Variants in ZDHHC14 observed in about 807,000 individuals in gnomAD.
ZDHHC14 encodes the protein zDHHC palmitoyltransferase 14, also known as palmitoyltransferase ZDHHC14.
Under a neutral mutation model 47.7 loss-of-function variants are expected in ZDHHC14, and 16 were observed. The observed-to-expected ratio is 0.34, with a 90% CI of 0.23 to 0.51. The LOEUF is 0.51. Ranked by LOEUF, ZDHHC14 falls within the 20% of genes least tolerant of loss-of-function variation. The pLI is 0.97. For synonymous variants in ZDHHC14, 293 were observed against 278.9 expected (o/e 1.05, Z -0.50); for missense variants, 515 against 662.5 (o/e 0.78, Z 2.44).
intron 1 of ZDHHC14, among the ~76,000 whole-genome samples, chr6:157,483,719 C>A (rs9355262): frequency 6.6e-6 from 1 of 151,906 alleles, no homozygotes; most frequent in Non-Finnish European, 1.5e-5. Flanking sequence ...CCTTTGCATC[C>A]GTGGACCTTC....
rs1290527135 is a variant in ZDHHC14, at chr6:157,382,278, C to T, written c.245+12C>T. ...TTCTTCGCCTTCGAGTAAGTGGTGG[C>T]GACCGCTCCCCCGACGCCGCACTCC... is the stretch of plus-strand genomic sequence containing the variant. On this transcript the variant is annotated intron_variant, in intron 1 of 8. Transcript: ENST00000359775. The T allele has an allele frequency of 1.9e-6, 3 of 1,609,712 alleles. No individual in the cohort carries two copies. The highest frequency in any genetic ancestry group is 2.5e-6 in the Non-Finnish European group (3 of 1,178,276).
chr6:157,673,584 C>T lies in ZDHHC14; in HGVS notation c.*462C>T, dbSNP rs1778905066. On this transcript the variant is annotated 3_prime_UTR_variant, in exon 9 of 9. Transcript: ENST00000359775. This position sits in a 1 kb window ranked among gnomAD's most constrained non-coding sequence, Gnocchi z 5.4. Reference sequence around the variant, plus strand: ...ACCGACCAGGTGTGGATCTGCATGCCACGCTGCCGTCTGTGTTACAGTGGT... The same window carrying T: ...ACCGACCAGGTGTGGATCTGCATGCTACGCTGCCGTCTGTGTTACAGTGGT... 1 of 160,792 alleles carries T rather than the reference C, an allele frequency of 6.2e-6. No individual in the cohort carries two copies. The highest frequency in any genetic ancestry group is 2.4e-5 in the African/African-American group (1 of 41,226). The allele number at this position is 160,792 out of a possible 1,614,324, so 10.0% of individuals were successfully genotyped here.
intron 1 of ZDHHC14, among the ~76,000 whole-genome samples, chr6:157,415,257 A>G (rs1777950485): frequency 6.6e-6 from 1 of 152,224 alleles, no homozygotes; most frequent in Non-Finnish European, 1.5e-5. Context: ...TATTGTAACT[A>G]ATATTGTCAT....
intron 1 of ZDHHC14, among the ~76,000 whole-genome samples, chr6:157,417,986 G>A (rs868574744): frequency 6.6e-6 from 1 of 151,966 alleles, no homozygotes. Flanking sequence ...AGAAGCCCAG[G>A]GTCAGGCCGA....
At chr6:157,422,692 G>A (rs1282552885) in intron 1 of ZDHHC14, among the ~76,000 whole-genome samples, 1 of 152,218 alleles carries the variant, frequency 6.6e-6, no homozygotes, top group Non-Finnish European at 1.5e-5. Context: ...TGATCAGGAC[G>A]GGCACGGTAA....
intron 1 of ZDHHC14, among the ~76,000 whole-genome samples, chr6:157,501,791 T>C (rs1458573081): frequency 1.3e-5 from 2 of 152,214 alleles, no homozygotes; most frequent in Non-Finnish European, 2.9e-5. Flanking sequence ...TTTGGTAAGA[T>C]TGTTGTTCTC....
At chr6:157,404,761 T>A (rs1007076933) in intron 1 of ZDHHC14, among the ~76,000 whole-genome samples, 6 of 152,236 alleles carry the variant, frequency 3.9e-5, no homozygotes, top group Admixed American at 6.5e-5. Flanking sequence ...ATATATTTTT[T>A]AATTTTGGAA....
At chr6:157,572,864 A>G (rs1168342820) in intron 2 of ZDHHC14, among the ~76,000 whole-genome samples, 2 of 146,870 alleles carry the variant, frequency 1.4e-5, no homozygotes, top group Non-Finnish European at 3.1e-5. Context: ...AGTAGACAGA[A>G]AAAGGTTTTC....
chr6:157,660,267 A>G (rs1347900175), intron 8 of ZDHHC14, among the ~76,000 whole-genome samples: 2 of 147,928 alleles, frequency 1.4e-5, no homozygotes, highest in Non-Finnish European at 3.0e-5. Context: ...GTCTCGGCTC[A>G]CTGCAACCTC....
intron 1 of ZDHHC14, among the ~76,000 whole-genome samples, chr6:157,420,723 A>G (rs187764217): frequency 2.6e-5 from 4 of 152,384 alleles, no homozygotes; most frequent in Admixed American, 6.5e-5. Context: ...ACTTGGTCAC[A>G]TTTCAGCCTA....
chr6:157,391,822 G>A (rs1420364471), intron 1 of ZDHHC14, among the ~76,000 whole-genome samples: 1 of 152,166 alleles, frequency 6.6e-6, no homozygotes, highest in Admixed American at 6.5e-5. Context: ...CATTGTTAGA[G>A]TGGGAGTGAT....
intron 1 of ZDHHC14, among the ~76,000 whole-genome samples, chr6:157,413,207 G>T (rs150791741): frequency 3.3e-5 from 5 of 152,330 alleles, no homozygotes; most frequent in African/African-American, 1.2e-4. Context: ...CCTGCAGGGG[G>T]TCGAGGGGTG....
intron 3 of ZDHHC14, among the ~76,000 whole-genome samples, chr6:157,601,710 T>G (rs969889778): frequency 3.9e-5 from 6 of 152,246 alleles, no homozygotes; most frequent in Non-Finnish European, 7.3e-5. Context: ...TTTGATATTA[T>G]GAGGTCCTGT....
At chr6:157,402,507 C>T (rs1777665466) in intron 1 of ZDHHC14, among the ~76,000 whole-genome samples, 1 of 152,210 alleles carries the variant, frequency 6.6e-6, no homozygotes, top group Admixed American at 6.5e-5. Context: ...GATTGCTAGT[C>T]TGGGGCTTCC....
rs938290458 is a variant in ZDHHC14 at position 157,573,324 on chromosome 6, G to T, written c.407-19664G>T. ...CCCAGAGCTGGAAAGCATCCACGCC[G>T]GTTCCATCTCATTCCATGGGACCAG... is the stretch of plus-strand genomic sequence containing the variant. On this transcript the variant is annotated intron_variant, in intron 2 of 8. Transcript: ENST00000359775. 9.9e-5 allele frequency among the ~76,000 whole-genome samples: 15 copies of T among 152,208 alleles called. 1 individual carries two copies. In the South Asian group the frequency reaches 3.1e-3, roughly 32 times the overall value.
intron 1 of ZDHHC14, among the ~76,000 whole-genome samples, chr6:157,441,923 G>A (rs974902559): frequency 2.0e-5 from 3 of 152,152 alleles, no homozygotes; most frequent in Non-Finnish European, 4.4e-5. Flanking sequence ...TTTCTGTTTC[G>A]TGGAAACAAT....
At chr6:157,548,750 G>A (rs1188429502) in intron 2 of ZDHHC14, among the ~76,000 whole-genome samples, 2 of 152,166 alleles carry the variant, frequency 1.3e-5, no homozygotes, top group Non-Finnish European at 2.9e-5. Flanking sequence ...CCAGCCTCTG[G>A]CCTGTTCTTG....
intron 1 of ZDHHC14, among the ~76,000 whole-genome samples, chr6:157,474,211 G>A (rs930994982): frequency 5.3e-5 from 8 of 152,062 alleles, no homozygotes; most frequent in Non-Finnish European, 8.8e-5. Flanking sequence ...GGCTGGTCTC[G>A]AATGCCTGAC....
In ZDHHC14 at chr6:157,675,497, A is replaced by G. The variant is rs1259302527; in HGVS notation, c.*2375A>G. ...AATTTTGGTGAAGTGAATCAAGGCT[A>G]TTCAGGGTCAAGAGAGAGATTAACT... is the stretch of plus-strand genomic sequence containing the variant. On this transcript the variant is annotated 3_prime_UTR_variant, in exon 9 of 9. Coordinates refer to ENST00000359775, the MANE Select transcript of ZDHHC14 (RefSeq NM_024630.3). The G allele has an allele frequency of 6.6e-6, 1 of 152,258 alleles. No homozygotes were observed. Among genetic ancestry groups the G allele is most frequent in the African/African-American group, 2.4e-5 (1 of 41,468 alleles). The allele number at this position is 152,258 out of a possible 1,614,324, so 9.4% of individuals were successfully genotyped here. A position where few individuals can be genotyped will look rare whatever the true frequency, so the allele number is the denominator to read the frequency against.
Sources: gnomAD v4.1 joint callset for allele counts (sites outside exome capture counted in the v4.1 genomes callset) on GRCh38, gnomAD v4.1.1 for gene constraint, Gnocchi (gnomAD v3.1) non-coding constraint, MANE v1.5 for transcripts, NCBI Gene and HGNC (gene_info 2026-07-23, HGNC 2026-07-21) for gene names.